Variants in PCDH7 observed in about 807,000 individuals in gnomAD.
The protein encoded by PCDH7 is protocadherin 7.
Under a neutral mutation model 58.9 loss-of-function variants are expected in PCDH7, and 17 were observed. The ratio of observed to expected loss-of-function variants is 0.29; its 90% CI spans 0.20 to 0.43. The LOEUF (loss-of-function observed/expected upper bound fraction) is 0.43, where lower values mean the gene tolerates loss of function less well. Among genes scored for constraint, PCDH7 ranks in the 20% least tolerant of loss-of-function variants. PCDH7 has a pLI of 1.00. For synonymous variants in PCDH7, 664 were observed against 616.4 expected (o/e 1.08, Z -1.14); for missense variants, 1,274 against 1,441.0 (o/e 0.88, Z 1.88).
intron 3 of PCDH7, among the ~76,000 whole-genome samples, chr4:30,973,670 C>T (rs1413028935): frequency 1.3e-5 from 2 of 151,944 alleles, no homozygotes; most frequent in African/African-American, 4.8e-5. Context: ...CAAAATATTC[C>T]TGGAGTGCTG....
At chr4:30,980,338 A>G (rs918146372) in intron 3 of PCDH7, among the ~76,000 whole-genome samples, 2 of 152,162 alleles carry the variant, frequency 1.3e-5, no homozygotes, top group African/African-American at 4.8e-5. Context: ...GGTACAACTA[A>G]TATAAATTGT....
intron 1 of PCDH7, among the ~76,000 whole-genome samples, chr4:30,824,525 G>C (rs1461457260): frequency 6.6e-6 from 1 of 152,094 alleles, no homozygotes; most frequent in Non-Finnish European, 1.5e-5. Context: ...CTAGTTGATA[G>C]AGATATATCC....
chr4:30,988,505 A>G (rs1201406370), intron 3 of PCDH7, among the ~76,000 whole-genome samples: 2 of 152,198 alleles, frequency 1.3e-5, no homozygotes, highest in African/African-American at 4.8e-5. Flanking sequence ...TTCATATTTC[A>G]TTAGCATTTA....
At chr4:31,132,230 G>A (rs1719079531) in intron 3 of PCDH7, among the ~76,000 whole-genome samples, 1 of 151,968 alleles carries the variant, frequency 6.6e-6, no homozygotes, top group Non-Finnish European at 1.5e-5. Context: ...GGTTTATATG[G>A]AAGAAAAGAG....
intron 3 of PCDH7, among the ~76,000 whole-genome samples, chr4:31,060,386 G>T (rs533032460): frequency 6.6e-5 from 10 of 151,778 alleles, no homozygotes; most frequent in African/African-American, 1.7e-4. Flanking sequence ...TTTCTGAAGA[G>T]CTCCCTGTAT....
intron 1 of PCDH7, among the ~76,000 whole-genome samples, chr4:30,829,638 A>G (rs1348698537): frequency 2.0e-5 from 3 of 152,256 alleles, no homozygotes; most frequent in East Asian, 3.9e-4. Flanking sequence ...ACTATCAGGT[A>G]TCTAAGTTGA....
intron 3 of PCDH7, among the ~76,000 whole-genome samples, chr4:30,991,292 T>C (rs1751443489): frequency 6.6e-6 from 1 of 152,186 alleles, no homozygotes; most frequent in Admixed American, 6.5e-5. Flanking sequence ...AGCCATCATT[T>C]TTACCTAAAT....
intron 1 of PCDH7, among the ~76,000 whole-genome samples, chr4:30,779,522 A>G (rs1560361357): frequency 6.6e-6 from 1 of 152,214 alleles, no homozygotes; most frequent in Non-Finnish European, 1.5e-5. Flanking sequence ...TAAACCACAA[A>G]TCATATTAAA....
chr4:30,963,241 A>C (rs1207630654), intron 3 of PCDH7, among the ~76,000 whole-genome samples: 1 of 152,218 alleles, frequency 6.6e-6, no homozygotes, highest in Non-Finnish European at 1.5e-5. Flanking sequence ...CTGTATGTTG[A>C]CTAAGCATAT....
chr4:30,728,438 G>A (rs1714964284), intron 1 of PCDH7, among the ~76,000 whole-genome samples: 1 of 151,428 alleles, frequency 6.6e-6, no homozygotes, highest in East Asian at 1.9e-4. Flanking sequence ...TATAACCAAG[G>A]ATGTTTTCAT....
intron 2 of PCDH7, among the ~76,000 whole-genome samples, chr4:30,938,425 C>G (rs903620106): frequency 1.3e-5 from 2 of 151,742 alleles, no homozygotes; most frequent in Non-Finnish European, 2.9e-5. Flanking sequence ...GATACTCATT[C>G]TGAAATTTAT....
At chr4:31,050,947 C>T (rs2109220286) in intron 3 of PCDH7, among the ~76,000 whole-genome samples, 1 of 152,218 alleles carries the variant, frequency 6.6e-6, no homozygotes, top group Admixed American at 6.6e-5. Context: ...ATTGTCTATC[C>T]TCTGCTATGC....
intron 1 of PCDH7, among the ~76,000 whole-genome samples, chr4:30,742,868 A>G (rs903334864): frequency 1.3e-5 from 2 of 152,218 alleles, no homozygotes; most frequent in Admixed American, 1.3e-4. Context: ...AACTTACCAT[A>G]CAATATGCCA....
At chr4:30,817,315 G>A (rs982865125) in intron 1 of PCDH7, among the ~76,000 whole-genome samples, 1 of 152,138 alleles carries the variant, frequency 6.6e-6, no homozygotes, top group African/African-American at 2.4e-5. Context: ...TACTTATAGT[G>A]CTCAAGCATT....
intron 3 of PCDH7, among the ~76,000 whole-genome samples, chr4:30,967,923 C>T (rs1478047185): frequency 1.3e-5 from 2 of 152,026 alleles, no homozygotes; most frequent in African/African-American, 4.8e-5. Context: ...TATCATAACT[C>T]AGACAAAAAT....
At chr4:30,883,320 A>T (rs6842574) in intron 1 of PCDH7, among the ~76,000 whole-genome samples, 56,265 of 152,092 alleles carry the variant, frequency 0.37, 10,871 homozygotes, top group African/African-American at 0.44. Flanking sequence ...CCCAGTACTT[A>T]CTGAGAATGT....
chr4:30,988,802 C>T (rs897225770), intron 3 of PCDH7, among the ~76,000 whole-genome samples: 2 of 152,064 alleles, frequency 1.3e-5, no homozygotes, highest in Non-Finnish European at 2.9e-5. Flanking sequence ...TTAAATGAAA[C>T]TGGGAATGGA....
At chr4:31,004,411 C>A (rs1335252067) in intron 3 of PCDH7, among the ~76,000 whole-genome samples, 1 of 151,892 alleles carries the variant, frequency 6.6e-6, no homozygotes, top group Non-Finnish European at 1.5e-5. Context: ...TGAGACTGAT[C>A]AATAAGAATA....
At chr4:30,831,042 C>T (rs770184072) in intron 1 of PCDH7, among the ~76,000 whole-genome samples, 4 of 151,938 alleles carry the variant, frequency 2.6e-5, no homozygotes, top group South Asian at 2.1e-4. Flanking sequence ...ATGGGTGTGC[C>T]GACATCCCAC....
Sources: gnomAD v4.1 joint callset for allele counts (sites outside exome capture counted in the v4.1 genomes callset) on GRCh38, gnomAD v4.1.1 for gene constraint, MANE v1.5 for transcripts, NCBI Gene and HGNC (gene_info 2026-07-23, HGNC 2026-07-21) for gene names.